ARNT2: variants seen among roughly 807,000 people sequenced by gnomAD.
The protein encoded by ARNT2 is aryl hydrocarbon receptor nuclear translocator 2, also known as ARNT protein 2.
Under a neutral mutation model 91.7 loss-of-function variants are expected in ARNT2, and 36 were observed. That is an observed-to-expected ratio of 0.39 (90% CI 0.30 to 0.52). The LOEUF (loss-of-function observed/expected upper bound fraction) is 0.52, where lower values mean the gene tolerates loss of function less well. ARNT2 is among the 20% of genes least tolerant of loss of function. The pLI is 0.72. For missense variants in ARNT2, 775 were observed against 939.3 expected, an observed-to-expected ratio of 0.83 and a Z score of 2.29; for synonymous variants, 365 against 347.1, an observed-to-expected ratio of 1.05 and a Z score of -0.57.
chr15:80,499,471 T>A (rs1367071331), intron 5 of ARNT2, among the ~76,000 whole-genome samples: 2 of 152,238 alleles, frequency 1.3e-5, no homozygotes, highest in Non-Finnish European at 2.9e-5. Context: ...GAACCAAGTG[T>A]TAAAGACTTG....
chr15:80,530,657 G>A (rs999356283), intron 8 of ARNT2, among the ~76,000 whole-genome samples: 8 of 152,070 alleles, frequency 5.3e-5, no homozygotes, highest in Non-Finnish European at 1.2e-4. Context: ...GGGAGGGACG[G>A]GTAGTTACTC....
chr15:80,417,922 G>T (rs1038666708), intron 1 of ARNT2, among the ~76,000 whole-genome samples: 1 of 152,162 alleles, frequency 6.6e-6, no homozygotes, highest in Non-Finnish European at 1.5e-5. Context: ...GTGGCTGGTT[G>T]TTCTCTTGTT....
chr15:80,555,386 A>G (rs1006409129), intron 11 of ARNT2: 2 of 464,340 alleles, frequency 4.3e-6, no homozygotes, highest in Non-Finnish European at 7.7e-6. Flanking sequence ...CAGAGCACAG[A>G]GGCTGGAGAG....
rs540313780 is a variant in ARNT2 at position 80,408,155 on chromosome 15, G to A, written c.31+3609G>A. Among the ~76,000 whole-genome samples, 11 of 152,234 alleles carry A rather than the reference G, an allele frequency of 7.2e-5. No homozygotes were observed. In the East Asian group the frequency reaches 2.1e-3, roughly 29 times the overall value. On this transcript the variant is annotated intron_variant, in intron 1 of 18. Coordinates refer to ENST00000303329, the MANE Select transcript of ARNT2 (RefSeq NM_014862.4). ...ATTGTATAGTGCAGGAAGATTCTCTGGACAAATTGCCTTAGATGGAGGGAC... is the reference window on the plus strand; with the variant it reads ...ATTGTATAGTGCAGGAAGATTCTCTAGACAAATTGCCTTAGATGGAGGGAC...
At chr15:80,522,970 G>T (rs756010544) in intron 8 of ARNT2, among the ~76,000 whole-genome samples, 2 of 152,040 alleles carry the variant, frequency 1.3e-5, no homozygotes, top group Non-Finnish European at 2.9e-5. Context: ...TCAGAGCCTG[G>T]ACCTCAGCTT....
chr15:80,425,240 G>A (rs1895916804), intron 1 of ARNT2, among the ~76,000 whole-genome samples: 1 of 152,194 alleles, frequency 6.6e-6, no homozygotes, highest in African/African-American at 2.4e-5. Context: ...GTGTTGTGCA[G>A]TCTTTGACTT....
chr15:80,462,986 T>G (rs1896583792), intron 3 of ARNT2, among the ~76,000 whole-genome samples: 1 of 152,178 alleles, frequency 6.6e-6, no homozygotes, highest in Non-Finnish European at 1.5e-5. Flanking sequence ...CATTCCTGCT[T>G]TGTGAGTAGG....
intron 6 of ARNT2, among the ~76,000 whole-genome samples, chr15:80,511,023 T>C (rs562660679): frequency 1.3e-5 from 2 of 152,232 alleles, no homozygotes; most frequent in East Asian, 1.9e-4. Flanking sequence ...ATCCCATTCC[T>C]GGGTATATAC....
intron 12 of ARNT2, among the ~76,000 whole-genome samples, chr15:80,571,293 T>C (rs1430703892): frequency 2.0e-5 from 3 of 152,234 alleles, no homozygotes; most frequent in Non-Finnish European, 4.4e-5. Flanking sequence ...GTTGCTGTTA[T>C]CAGAGGAGCT....
At chr15:80,467,088 C>T (rs1303880717) in intron 3 of ARNT2, among the ~76,000 whole-genome samples, 2 of 152,210 alleles carry the variant, frequency 1.3e-5, no homozygotes, top group African/African-American at 4.8e-5. Context: ...GTCACAGTGA[C>T]CAGCTGAGGG....
At chr15:80,442,453 T>G (rs180785107) in intron 1 of ARNT2, among the ~76,000 whole-genome samples, 1 of 152,346 alleles carries the variant, frequency 6.6e-6, no homozygotes, top group Admixed American at 6.5e-5. Context: ...AGAGGCAGGA[T>G]TGGGTCCTTT....
At chr15:80,558,847 T>C (rs939751263) in intron 11 of ARNT2, among the ~76,000 whole-genome samples, 4 of 152,226 alleles carry the variant, frequency 2.6e-5, no homozygotes, top group African/African-American at 7.2e-5. Flanking sequence ...TGATAAACTT[T>C]GCATCGTTTA....
Position 80,404,482 on chromosome 15 carries a change from C to T in ARNT2, c.-34C>T, listed in dbSNP as rs1439520342. 5.7e-6 allele frequency: 7 copies of T among 1,224,084 alleles called. No homozygotes were observed. The highest frequency in any genetic ancestry group is 3.1e-5 in the Admixed American group (1 of 32,396). The allele number at this position is 1,224,084 out of a possible 1,614,324, so 75.8% of individuals were successfully genotyped here. ...GGCTCCGCGCCGCCCCTCCCGCGCCCCTGCCAAGCGGGCGCCTATCCTCTC... is the reference window on the plus strand; with the variant it reads ...GGCTCCGCGCCGCCCCTCCCGCGCCTCTGCCAAGCGGGCGCCTATCCTCTC... On this transcript the variant is annotated 5_prime_UTR_variant, in exon 1 of 19. Coordinates refer to ENST00000303329, the MANE Select transcript of ARNT2 (RefSeq NM_014862.4). The surrounding 1 kb of genome is among the most constrained non-coding windows in gnomAD (Gnocchi z 5.5).
intron 8 of ARNT2, among the ~76,000 whole-genome samples, chr15:80,525,610 T>C (rs1044540004): frequency 6.6e-6 from 1 of 152,098 alleles, no homozygotes; most frequent in African/African-American, 2.4e-5. Context: ...AATCACTCAC[T>C]TTGAGGGATG....
rs529292339 is a variant in ARNT2, at chr15:80,426,458, C to T, written c.31+21912C>T. On this transcript the variant is annotated intron_variant, in intron 1 of 18. Transcript: ENST00000303329. ...AGGATAGATATAGCAGCCATCACAG[C>T]GGCCCCAGGCTGCCACCAGAATCCA... Among the ~76,000 whole-genome samples the T allele has an allele frequency of 1.9e-3, 294 of 152,256 alleles. 1 individual carries two copies. Among genetic ancestry groups the T allele is most frequent in the Non-Finnish European group, 3.6e-3 (242 of 68,006 alleles).
In ARNT2 at chr15:80,563,172, A is replaced by C. The variant is rs976514335; in HGVS notation, c.1249A>C (p.Ser417Arg). The change falls in exon 12 of 19, where the codon AGC (serine) becomes CGC (arginine). Residue 417 changes from serine to arginine, a missense_variant. By Grantham distance (110) the Ser-to-Arg change is moderately radical (BLOSUM62 -1). This residue lies in a region of ARNT2 where 285 missense variants were observed against 327.2 expected (regional missense o/e 0.87). Coordinates refer to ENST00000303329, the MANE Select transcript of ARNT2 (RefSeq NM_014862.4). ...NREWMLIRTS[S>R]FTFQNPYSDE... ...GGAGTGGATGTTGATCCGCACCAGC[A>C]GCTTCACATTCCAGAATCCCTATTC... is the stretch of plus-strand genomic sequence containing the variant. The C allele has an allele frequency of 1.9e-6, 3 of 1,614,084 alleles. No homozygotes were observed. In the African/African-American group the frequency reaches 4.0e-5, roughly 22 times the overall value.
intron 5 of ARNT2, among the ~76,000 whole-genome samples, chr15:80,484,351 A>AGC (rs1170723946): frequency 6.6e-6 from 1 of 152,190 alleles, no homozygotes; most frequent in East Asian, 1.9e-4. Context: ...TTAAAAACAA[A>AGC]GCATTTGGGG....
chr15:80,418,849 T>C (rs1895822444), intron 1 of ARNT2, among the ~76,000 whole-genome samples: 2 of 152,216 alleles, frequency 1.3e-5, no homozygotes, highest in South Asian at 4.1e-4. Flanking sequence ...CATGTGCCCC[T>C]TTTTTCAAGT....
chr15:80,555,105 A>G lies in ARNT2; in HGVS notation c.1130A>G (p.Glu377Gly), dbSNP rs1201885239. ...GKDILEFCHP[E>G]DQSHLRESFQ... ...GACATTTTGGAATTCTGCCACCCTG[A>G]GGATCAAAGCCATCTGCGTGAGAGC... The change falls in exon 11 of 19, where the codon GAG becomes GGG. Residue 377 changes from glutamate to glycine, a missense_variant. Physicochemically the swap from Glu to Gly is moderately conservative, Grantham distance 98. This residue lies in a region of ARNT2 where 285 missense variants were observed against 327.2 expected (regional missense o/e 0.87). Coordinates refer to ENST00000303329, the MANE Select transcript of ARNT2 (RefSeq NM_014862.4). 1.2e-6 allele frequency: 2 copies of G among 1,614,248 alleles called. No homozygotes were observed. Among genetic ancestry groups the G allele is most frequent in the East Asian group, 2.2e-5 (1 of 44,888 alleles).
Sources: allele counts gnomAD v4.1 joint callset (sites outside exome capture counted in the v4.1 genomes callset), GRCh38; gene constraint gnomAD v4.1.1; regional missense constraint gnomAD v4.1.1; non-coding constraint Gnocchi (gnomAD v3.1); transcripts MANE v1.5; gene names NCBI Gene and HGNC (gene_info 2026-07-23, HGNC 2026-07-21).